Variants in IKZF3 observed in about 807,000 individuals in gnomAD.
IKZF3 encodes zinc finger protein Aiolos.
In IKZF3, 10 loss-of-function variants were observed where a neutral mutation model predicts 49.0. The observed-to-expected ratio is 0.20, with a 90% CI of 0.13 to 0.35. The LOEUF (loss-of-function observed/expected upper bound fraction) is 0.35. Ranked by LOEUF, IKZF3 falls within the 10% of genes least tolerant of loss-of-function variation. The pLI is 1.00. For synonymous variants in IKZF3, 209 were observed against 228.2 expected, an observed-to-expected ratio of 0.92 and a Z score of 0.76; for missense variants, 498 against 664.8, an observed-to-expected ratio of 0.75 and a Z score of 2.76.
chr17:39,806,420 C>T lies in IKZF3; in HGVS notation c.164-13487G>A, dbSNP rs187525419. 9.9e-5 allele frequency among the ~76,000 whole-genome samples: 15 copies of T among 152,212 alleles called. No homozygotes were observed. In the East Asian group the frequency reaches 1.2e-3, roughly 12 times the overall value. On this transcript the variant is annotated intron_variant, in intron 3 of 7. Coordinates refer to ENST00000346872, the MANE Select transcript of IKZF3 (RefSeq NM_012481.5). Reference sequence around the variant, plus strand: ...AAGGTAATAAATAAAATTTTTAAAACGCACAAAAGATGTGAATTAACATTT... The same window carrying T: ...AAGGTAATAAATAAAATTTTTAAAATGCACAAAAGATGTGAATTAACATTT...
At chr17:39,786,405 AT>A (rs1053811148) in intron 6 of IKZF3, among the ~76,000 whole-genome samples, 3 of 152,112 alleles carry the variant, frequency 2.0e-5, no homozygotes, top group Non-Finnish European at 4.4e-5. Context: ...AATATGATAG[AT>A]TTCATAGCTT....
intron 3 of IKZF3, among the ~76,000 whole-genome samples, chr17:39,799,131 G>T (rs1258756452): frequency 6.6e-6 from 1 of 151,958 alleles, no homozygotes; most frequent in African/African-American, 2.4e-5. Flanking sequence ...CTAATCTGGG[G>T]GTGGAGACTG....
intron 1 of IKZF3, among the ~76,000 whole-genome samples, chr17:39,838,406 T>C (rs986078555): frequency 1.3e-5 from 2 of 152,226 alleles, no homozygotes; most frequent in African/African-American, 4.8e-5. Context: ...CTGTTAAGCC[T>C]ATCTAATGAG....
chr17:39,822,609 G>A (rs1427002578), intron 3 of IKZF3, among the ~76,000 whole-genome samples: 1 of 143,446 alleles, frequency 7.0e-6, no homozygotes, highest in Non-Finnish European at 1.5e-5. Context: ...TTGAGATGGA[G>A]TCTTGCTCTG....
chr17:39,854,147 A>T lies in IKZF3; in HGVS notation c.7+9973T>A, dbSNP rs572349632. 9.2e-5 allele frequency among the ~76,000 whole-genome samples: 14 copies of T among 152,288 alleles called. 1 individual carries two copies. In the South Asian group the frequency reaches 2.9e-3, roughly 32 times the overall value. Reference sequence around the variant, plus strand: ...TCTCAAACAAAAAAACAAAGTCCCAATTGTAATATAAAGGTGAAATAAATG... The same window carrying T: ...TCTCAAACAAAAAAACAAAGTCCCATTTGTAATATAAAGGTGAAATAAATG... On this transcript the variant is annotated intron_variant, in intron 1 of 7. Coordinates refer to ENST00000346872, the MANE Select transcript of IKZF3 (RefSeq NM_012481.5).
At chr17:39,796,931 G>A (rs1489121145) in intron 3 of IKZF3, among the ~76,000 whole-genome samples, 11 of 151,034 alleles carry the variant, frequency 7.3e-5, no homozygotes, top group South Asian at 2.1e-4. Flanking sequence ...TTGGGAGGCC[G>A]AGGCGGGTGG....
At chr17:39,839,357 A>G (rs1008282256) in intron 1 of IKZF3, 8 of 571,668 alleles carry the variant, frequency 1.4e-5, no homozygotes, top group Non-Finnish European at 2.3e-5. Context: ...GTGCCATCTC[A>G]TGTGCAATTC....
At chr17:39,840,827 G>A (rs2062444078) in intron 1 of IKZF3, among the ~76,000 whole-genome samples, 1 of 152,184 alleles carries the variant, frequency 6.6e-6, no homozygotes, top group African/African-American at 2.4e-5. Flanking sequence ...TGGGCTGCTG[G>A]AGACCAGCCA....
At chr17:39,776,453 T>A (rs2143701148) in intron 7 of IKZF3, among the ~76,000 whole-genome samples, 1 of 152,330 alleles carries the variant, frequency 6.6e-6, no homozygotes, top group South Asian at 2.1e-4. Context: ...TCCCCTGACA[T>A]GTCTCACCAA....
intron 3 of IKZF3, among the ~76,000 whole-genome samples, chr17:39,809,526 G>T (rs756195582): frequency 6.6e-6 from 1 of 152,178 alleles, no homozygotes; most frequent in Non-Finnish European, 1.5e-5. Flanking sequence ...CCAAAGCTTT[G>T]AAAGTACTGT....
At chr17:39,769,908 G>A (rs1428546510) in intron 7 of IKZF3, among the ~76,000 whole-genome samples, 1 of 152,150 alleles carries the variant, frequency 6.6e-6, no homozygotes, top group Non-Finnish European at 1.5e-5. Context: ...AATTGTAAAA[G>A]GCAAAACATT....
chr17:39,802,008 C>T lies in IKZF3; in HGVS notation c.164-9075G>A, dbSNP rs552819788. On this transcript the variant is annotated intron_variant, in intron 3 of 7. Coordinates refer to ENST00000346872, the MANE Select transcript of IKZF3 (RefSeq NM_012481.5). Reference sequence around the variant, plus strand: ...TTGGGAGGCTGAGGCAGGCGGATCACGAGATCAGGAGATCAAGACCATCAA... The same window carrying T: ...TTGGGAGGCTGAGGCAGGCGGATCATGAGATCAGGAGATCAAGACCATCAA... 5.3e-5 allele frequency among the ~76,000 whole-genome samples: 8 copies of T among 151,812 alleles called. No individual in the cohort carries two copies. The East Asian group carries it at 1.2e-3, about 22-fold the overall frequency.
chr17:39,775,853 G>A lies in IKZF3; in HGVS notation c.826+1798C>T, dbSNP rs111413258. On this transcript the variant is annotated intron_variant, in intron 7 of 7. Coordinates refer to ENST00000346872, the MANE Select transcript of IKZF3 (RefSeq NM_012481.5). The stretch of plus-strand genomic sequence containing the variant: ...GCAGGAAAATCGCTTGAACCCAGGA[G>A]GCAGAGGTTGCGGTGAGCCGAGATC... 4.7e-3 allele frequency among the ~76,000 whole-genome samples: 717 copies of A among 151,928 alleles called. 1 individual carries two copies. The highest frequency in any genetic ancestry group is 7.6e-3 in the Non-Finnish European group (517 of 67,926).
intron 3 of IKZF3, among the ~76,000 whole-genome samples, chr17:39,797,949 C>T (rs947653759): frequency 1.3e-5 from 2 of 151,996 alleles, no homozygotes; most frequent in African/African-American, 4.8e-5. Context: ...ACCTCTCTCC[C>T]TTTCTTTAGT....
intron 1 of IKZF3, chr17:39,839,584 C>A (rs1301801962): frequency 2.1e-6 from 1 of 466,370 alleles, no homozygotes. Context: ...AGGACTGTTT[C>A]TTTATTTTTA....
At position 39,788,871 on chromosome 17, in the gene IKZF3, C is replaced by T. The variant is rs143705784; in HGVS notation, c.593-497G>A. 9.9e-4 allele frequency among the ~76,000 whole-genome samples: 151 copies of T among 152,326 alleles called. 2 individuals are homozygous for T. The highest frequency in any genetic ancestry group is 3.4e-3 in the African/African-American group (142 of 41,574). On this transcript the variant is annotated intron_variant, in intron 5 of 7. Coordinates refer to ENST00000346872, the MANE Select transcript of IKZF3 (RefSeq NM_012481.5). ...CATATTTGGGTAAATTTAGCTCATC[C>T]TTGCCACGTGGCTATAGCAAAGTCT...
chr17:39,837,002 G>GT (rs1226960553), intron 1 of IKZF3, among the ~76,000 whole-genome samples: 1 of 152,044 alleles, frequency 6.6e-6, no homozygotes, highest in Non-Finnish European at 1.5e-5. Context: ...CACAATCATG[G>GT]TTCACTGCAG....
chr17:39,835,796 G>A, intron 1 of IKZF3: 2 of 517,140 alleles, frequency 3.9e-6, no homozygotes, highest in South Asian at 3.2e-5. Flanking sequence ...CCCTATTCAT[G>A]TATGCCTCAT....
intron 3 of IKZF3, among the ~76,000 whole-genome samples, chr17:39,803,814 C>G (rs1186002583): frequency 6.6e-6 from 1 of 152,074 alleles, no homozygotes; most frequent in South Asian, 2.1e-4. Flanking sequence ...CGCCCAGCCA[C>G]TCTATCTTTT....
Sources: gnomAD v4.1 joint callset for allele counts (sites outside exome capture counted in the v4.1 genomes callset) on GRCh38, gnomAD v4.1.1 for gene constraint, MANE v1.5 for transcripts, NCBI Gene and HGNC (gene_info 2026-07-23, HGNC 2026-07-21) for gene names.